USP16: variants seen among roughly 807,000 people sequenced by gnomAD.
USP16 encodes ubiquitin specific peptidase 16, also known as ubiquitin carboxyl-terminal hydrolase 16.
USP16 carries 77 observed loss-of-function variants against 95.9 expected under a neutral mutation model. That is an observed-to-expected ratio of 0.80 (90% CI 0.67 to 0.97). The LOEUF is 0.97. Ranked by LOEUF, USP16 falls within the 50% of genes least tolerant of loss-of-function variation. USP16 has a pLI of 0.00. For synonymous variants in USP16, 303 were observed against 318.2 expected, an observed-to-expected ratio of 0.95 and a Z score of 0.51; for missense variants, 943 against 959.9, an observed-to-expected ratio of 0.98 and a Z score of 0.23.
At chr21:29,031,665 T>C (rs1023993565) in intron 3 of USP16, among the ~76,000 whole-genome samples, 14 of 152,226 alleles carry the variant, frequency 9.2e-5, no homozygotes, top group African/African-American at 3.4e-4. Flanking sequence ...CTCAAACTCC[T>C]GATTTCAAGT....
chr21:29,037,465 T>C lies in USP16; in HGVS notation c.636+2T>C. ...TGTTTCTTCAATGCAGTTATGCAGG[T>C]ACATTGTCATTTTTTTCCCTTTAAA... is the stretch of plus-strand genomic sequence containing the variant. On this transcript the variant is annotated splice_donor_variant, in intron 6 of 17. Coordinates refer to ENST00000399976, the MANE Select transcript of USP16 (RefSeq NM_006447.3). LOFTEE classifies it high-confidence loss of function. 1 of 1,553,964 alleles carries C rather than the reference T, an allele frequency of 6.4e-7. No homozygotes were observed. Among genetic ancestry groups the C allele is most frequent in the Non-Finnish European group, 8.7e-7 (1 of 1,154,428 alleles).
chr21:29,030,826 A>T, intron 3 of USP16, 53 bp downstream of exon 3: 1 of 1,545,356 alleles, frequency 6.5e-7, no homozygotes, highest in Non-Finnish European at 8.7e-7. Context: ...CTTTGAACTT[A>T]CTTTAGAAGG....
In USP16 at chr21:29,034,870, T is replaced by A; in HGVS notation, c.274T>A (p.Leu92Met). The change falls in exon 4 of 18, where the codon TTG (leucine) becomes ATG (methionine). Residue 92 changes from leucine to methionine, a missense_variant. By Grantham distance (15) the Leu-to-Met change is conservative. Transcript: ENST00000399976. Reference sequence around the variant, plus strand: ...CAGAAATTCTCAGGAGCAGCATGCCTTGAAGCACTATCTGACGCCAAGATC... The same window carrying A: ...CAGAAATTCTCAGGAGCAGCATGCCATGAAGCACTATCTGACGCCAAGATC... ...CGRNSQEQHA[L>M]KHYLTPRSEP... The A allele has an allele frequency of 6.2e-7, 1 of 1,614,170 alleles. No homozygotes were observed. The highest frequency in any genetic ancestry group is 8.5e-7 in the Non-Finnish European group (1 of 1,180,000).
chr21:29,048,095 G>GTT (rs2085357992), intron 14 of USP16, among the ~76,000 whole-genome samples: 1 of 135,854 alleles, frequency 7.4e-6, no homozygotes, highest in African/African-American at 2.8e-5. Context: ...GTGTGTGTGT[G>GTT]TGTTTTGAGA....
At chr21:29,039,751 G>C (rs753930199) in intron 9 of USP16, among the ~76,000 whole-genome samples, 183 bp downstream of exon 9, 1 of 152,144 alleles carries the variant, frequency 6.6e-6, no homozygotes, top group East Asian at 1.9e-4. Context: ...CAGAGAATTA[G>C]CAGTAATTCT....
At chr21:29,051,774 G>A (rs963491438) in intron 16 of USP16, among the ~76,000 whole-genome samples, 5 of 151,844 alleles carry the variant, frequency 3.3e-5, no homozygotes, top group African/African-American at 7.3e-5. Context: ...GAGCTGCAGT[G>A]AGCCGAGATT....
Position 29,039,537 on chromosome 21 carries a change from T to A in USP16, c.920T>A (p.Leu307Ter). The A allele has an allele frequency of 3.7e-6, 6 of 1,613,332 alleles. No homozygotes were observed. Among genetic ancestry groups the A allele is most frequent in the Non-Finnish European group, 5.1e-6 (6 of 1,179,412 alleles). The change falls in exon 9 of 18, where the codon TTA becomes TAA. Residue 307 changes from leucine to a stop codon, truncating the protein, a stop_gained. Coordinates refer to ENST00000399976, the MANE Select transcript of USP16 (RefSeq NM_006447.3). LOFTEE classifies it high-confidence loss of function. Reference sequence around the variant, plus strand: ...GACAGCCAGGAGCTGCTTCGCTACTTATTGGATGGGATGAGAGCAGAAGAA... The same window carrying A: ...GACAGCCAGGAGCTGCTTCGCTACTAATTGGATGGGATGAGAGCAGAAGAA... ...QQDSQELLRYLLDGMRAEEHQ... is the reference protein window; with the variant it reads ...QQDSQELLRY
rs1421725017 is a variant in USP16, at chr21:29,054,336, A to T, written c.*149A>T. 2.0e-6 allele frequency: 2 copies of T among 1,022,428 alleles called. No individual in the cohort carries two copies. The highest frequency in any genetic ancestry group is 2.6e-5 in the East Asian group (1 of 37,928). The allele number at this position is 1,022,428 out of a possible 1,614,324, so 63.3% of individuals were successfully genotyped here. ...GTTTATTTAAATATTGAAGGGAAAA[A>T]TACCTAAAAATGTACAAAGGTTTTA... On this transcript the variant is annotated 3_prime_UTR_variant, in exon 18 of 18. Coordinates refer to ENST00000399976, the MANE Select transcript of USP16 (RefSeq NM_006447.3).
At chr21:29,036,746 T>A (rs1568887608) in intron 5 of USP16, among the ~76,000 whole-genome samples, 1 of 152,250 alleles carries the variant, frequency 6.6e-6, no homozygotes, top group Non-Finnish European at 1.5e-5. Flanking sequence ...CTTCTAATGG[T>A]CAGATATTTC....
intron 16 of USP16, among the ~76,000 whole-genome samples, chr21:29,050,874 A>G (rs913592039): frequency 3.9e-5 from 6 of 152,198 alleles, no homozygotes; most frequent in South Asian, 4.1e-4. Flanking sequence ...AGATCTTCAT[A>G]TGACGTAGGT....
intron 6 of USP16, among the ~76,000 whole-genome samples, 172 bp from the exon 7 acceptor site, chr21:29,038,163 T>A (rs1412468799): frequency 6.6e-6 from 1 of 152,198 alleles, no homozygotes. Context: ...ACTGAAGTAG[T>A]TATGACCCAA....
chr21:29,049,367 T>C (rs939731344), intron 15 of USP16, among the ~76,000 whole-genome samples: 1 of 152,132 alleles, frequency 6.6e-6, no homozygotes, highest in African/African-American at 2.4e-5. Context: ...CCTCTTGTGG[T>C]TGGTATGGGC....
At chr21:29,036,465 A>C in intron 5 of USP16, 91 bp downstream of exon 5, 1 of 1,204,436 alleles carries the variant, frequency 8.3e-7, no homozygotes, top group Admixed American at 2.0e-5. Context: ...CATTACATAC[A>C]GCTGAGTAAC....
At chr21:29,027,605 T>C (rs1343793863) in intron 1 of USP16, among the ~76,000 whole-genome samples, 1 of 152,228 alleles carries the variant, frequency 6.6e-6, no homozygotes, top group Admixed American at 6.5e-5. Context: ...CTGTGTAAGA[T>C]GACCAAGGTT....
rs533845407 is a variant in USP16, at chr21:29,047,254, T to G, written c.1944T>G (p.Asp648Glu). Residue 648 changes from aspartate to glutamate, a missense_variant, in exon 14 of 18, where the codon GAT becomes GAG. Asp to Glu is a conservative substitution (Grantham distance 45). Coordinates refer to ENST00000399976, the MANE Select transcript of USP16 (RefSeq NM_006447.3). ...TCACCCGTAATGAGAAACTTCGAGATGCGAATAAACTGCTTTGTGAAGTAT... is the reference window on the plus strand; with the variant it reads ...TCACCCGTAATGAGAAACTTCGAGAGGCGAATAAACTGCTTTGTGAAGTAT... ...YQFTRNEKLRDANKLLCEVCT... is the reference protein window; with the variant it reads ...YQFTRNEKLREANKLLCEVCT... 1 of 1,614,144 alleles carries G rather than the reference T, an allele frequency of 6.2e-7. No individual in the cohort carries two copies. Among genetic ancestry groups the G allele is most frequent in the African/African-American group, 1.3e-5 (1 of 75,048 alleles).
intron 16 of USP16, 129 bp from the exon 17 acceptor site, chr21:29,053,673 A>G: frequency 1.1e-6 from 1 of 875,940 alleles, no homozygotes; most frequent in South Asian, 1.8e-5. Context: ...AAAAGAGTAG[A>G]CTCATGAATG....
At chr21:29,029,928 A>T (rs2085053357) in intron 2 of USP16, among the ~76,000 whole-genome samples, 1 of 152,210 alleles carries the variant, frequency 6.6e-6, no homozygotes, top group South Asian at 2.1e-4. Context: ...GATTGTAAGG[A>T]TTAAATGGGA....
chr21:29,026,978 G>A (rs1034123), intron 1 of USP16, among the ~76,000 whole-genome samples: 136,554 of 152,196 alleles, frequency 0.9, 61,562 homozygotes, highest in African/African-American at 0.97. Flanking sequence ...AAATGCTTCC[G>A]ATCAAGAGAG....
intron 9 of USP16, 81 bp downstream of exon 9, chr21:29,039,649 C>T (rs2085215563): frequency 7.4e-7 from 1 of 1,355,634 alleles, no homozygotes; most frequent in Non-Finnish European, 1.0e-6. Context: ...CGAGTTAAAA[C>T]AATGAAAGCT....
Sources: gnomAD v4.1 joint callset for allele counts (sites outside exome capture counted in the v4.1 genomes callset) on GRCh38, gnomAD v4.1.1 for gene constraint, MANE v1.5 for transcripts, NCBI Gene and HGNC (gene_info 2026-07-23, HGNC 2026-07-21) for gene names.